The following PDLIM5 variants were observed in gnomAD, a reference collection of about 807,000 sequenced individuals.
PDLIM5 encodes the protein PDZ and LIM domain 5.
In PDLIM5, 34 loss-of-function variants were observed where a neutral mutation model predicts 64.2. The observed-to-expected ratio is 0.53, with a 90% CI of 0.40 to 0.71. The LOEUF (loss-of-function observed/expected upper bound fraction) is 0.71. Among genes scored for constraint, PDLIM5 ranks in the 30% least tolerant of loss-of-function variants. The probability of loss-of-function intolerance (pLI) is 0.00; values close to 1 mark genes in which losing one functional copy is unlikely to be tolerated. For synonymous variants in PDLIM5, 253 were observed against 269.1 expected (o/e 0.94, Z 0.59); for missense variants, 683 against 733.6 (o/e 0.93, Z 0.80).
intron 3 of PDLIM5, among the ~76,000 whole-genome samples, chr4:94,555,362 T>C (rs1055185511): frequency 6.6e-6 from 1 of 152,216 alleles, no homozygotes; most frequent in Non-Finnish European, 1.5e-5. Flanking sequence ...CCTAAATGCA[T>C]TTTTTACTTA....
At chr4:94,513,276 T>C (rs1176829483) in intron 2 of PDLIM5, among the ~76,000 whole-genome samples, 1 of 152,296 alleles carries the variant, frequency 6.6e-6, no homozygotes, top group East Asian at 1.9e-4. Flanking sequence ...AGAATGTCAT[T>C]GGTATTTTGA....
chr4:94,624,536 G>C (rs1003381868), intron 8 of PDLIM5, among the ~76,000 whole-genome samples: 2 of 152,086 alleles, frequency 1.3e-5, no homozygotes, highest in Non-Finnish European at 2.9e-5. Flanking sequence ...CAGTGGAAAG[G>C]GAAGAAAAAG....
intron 9 of PDLIM5, among the ~76,000 whole-genome samples, chr4:94,640,842 G>A (rs1740952793): frequency 6.6e-6 from 1 of 152,126 alleles, no homozygotes; most frequent in Non-Finnish European, 1.5e-5. Context: ...AAAATAACTA[G>A]TGACATTAAA....
intron 2 of PDLIM5, among the ~76,000 whole-genome samples, chr4:94,469,787 T>A (rs1174899325): frequency 6.6e-6 from 1 of 152,024 alleles, no homozygotes; most frequent in East Asian, 1.9e-4. Context: ...AATTTAAAAT[T>A]TTTTTTGAGC....
intron 2 of PDLIM5, among the ~76,000 whole-genome samples, chr4:94,516,637 CCT>C (rs1729383952): frequency 6.6e-6 from 1 of 152,076 alleles, no homozygotes; most frequent in African/African-American, 2.4e-5. Flanking sequence ...CGTCCTCCTG[CCT>C]CAGCCTCCTG....
At chr4:94,540,129 C>A (rs1731661676) in intron 3 of PDLIM5, among the ~76,000 whole-genome samples, 1 of 133,598 alleles carries the variant, frequency 7.5e-6, no homozygotes, top group South Asian at 2.2e-4. Context: ...TGCTACTATT[C>A]TTCTTTTTTT....
Position 94,472,800 on chromosome 4 carries a change from CATATAA to C in PDLIM5, c.96+17419_96+17424del, listed in dbSNP as rs1724996029. ...AAATTTAGCAAATCTGAACTTCAGT[CATATAA>C]ATGTAAATTATTATTGCTCACTCCA... On this transcript the variant is annotated intron_variant, in intron 2 of 12. Coordinates refer to ENST00000317968, the MANE Select transcript of PDLIM5 (RefSeq NM_006457.5). 3.9e-5 allele frequency among the ~76,000 whole-genome samples: 6 copies of C among 152,294 alleles called. No homozygotes were observed. In the South Asian group the frequency reaches 1.2e-3, roughly 32 times the overall value.
chr4:94,565,411 G>A (rs1259284130), intron 3 of PDLIM5, among the ~76,000 whole-genome samples: 3 of 152,224 alleles, frequency 2.0e-5, no homozygotes, highest in African/African-American at 7.2e-5. Flanking sequence ...TGCATGCTCA[G>A]TATGCAGCCC....
chr4:94,601,378 A>G (rs1433759491), intron 7 of PDLIM5, among the ~76,000 whole-genome samples: 1 of 152,156 alleles, frequency 6.6e-6, no homozygotes, highest in East Asian at 1.9e-4. Context: ...TCCTAATACT[A>G]TCACATAGGG....
intron 8 of PDLIM5, among the ~76,000 whole-genome samples, chr4:94,624,405 C>T (rs1050582222): frequency 1.3e-5 from 2 of 152,074 alleles, no homozygotes; most frequent in Admixed American, 6.5e-5. Flanking sequence ...CCCATTTTGT[C>T]ATTGTGGACA....
intron 2 of PDLIM5, among the ~76,000 whole-genome samples, chr4:94,476,657 A>G (rs1725352615): frequency 6.6e-6 from 1 of 152,174 alleles, no homozygotes; most frequent in African/African-American, 2.4e-5. Flanking sequence ...GTTGTTCTGC[A>G]GTATTGGTTT....
chr4:94,588,478 G>T (rs763488924), intron 7 of PDLIM5, among the ~76,000 whole-genome samples: 6 of 152,032 alleles, frequency 3.9e-5, no homozygotes, highest in African/African-American at 1.4e-4. Context: ...CAGGAGAATC[G>T]CTTGAACCCG....
chr4:94,511,727 CT>C (rs1373704011), intron 2 of PDLIM5, among the ~76,000 whole-genome samples: 1 of 151,984 alleles, frequency 6.6e-6, no homozygotes, highest in Admixed American at 6.6e-5. Context: ...TGAAAATATG[CT>C]TATCTTTCTG....
Position 94,662,496 on chromosome 4 carries a change from G to A in PDLIM5, c.1660G>A (p.Ala554Thr). 1 of 1,606,788 alleles carries A rather than the reference G, an allele frequency of 6.2e-7. No individual in the cohort carries two copies. Among genetic ancestry groups the A allele is most frequent in the Non-Finnish European group, 8.5e-7 (1 of 1,173,492 alleles). The change falls in exon 12 of 13, where the codon GCT becomes ACT. Residue 554 changes from alanine to threonine, a missense_variant. By Grantham distance (58) the Ala-to-Thr change is moderately conservative. Coordinates refer to ENST00000317968, the MANE Select transcript of PDLIM5 (RefSeq NM_006457.5). ...AGAAGCTGGTGACATGTTCCTGGAA[G>A]CTCTGGGCTACACCTGGCATGACAC... Reference protein sequence around the residue: ...PIEAGDMFLEALGYTWHDTCF... With the variant: ...PIEAGDMFLETLGYTWHDTCF...
At chr4:94,606,747 A>G (rs1351118148) in intron 7 of PDLIM5, among the ~76,000 whole-genome samples, 1 of 152,176 alleles carries the variant, frequency 6.6e-6, no homozygotes, top group Non-Finnish European at 1.5e-5. Flanking sequence ...CAGATAGGAA[A>G]TGTGCTAGAT....
chr4:94,640,485 T>A, intron 9 of PDLIM5, 35 bp downstream of exon 9: 4 of 1,330,196 alleles, frequency 3.0e-6, no homozygotes, highest in Non-Finnish European at 4.1e-6. Flanking sequence ...TGAAAGTACT[T>A]AATATCAATG....
chr4:94,457,218 G>A, intron 2 of PDLIM5: 9 of 945,796 alleles, frequency 9.5e-6, no homozygotes, highest in Non-Finnish European at 1.1e-5. Flanking sequence ...TTTCTTGGCT[G>A]TGGATTTTTT....
At position 94,494,478 on chromosome 4, in the gene PDLIM5, C is replaced by T. The variant is rs1309361914; in HGVS notation, c.97-29246C>T. Among the ~76,000 whole-genome samples the T allele has an allele frequency of 1.2e-4, 12 of 101,930 alleles. 1 individual carries two copies. In the East Asian group the frequency reaches 3.5e-3, roughly 29 times the overall value. The allele number at this position is 101,930 out of a possible 152,430, so 66.9% of individuals were successfully genotyped here. On this transcript the variant is annotated intron_variant, in intron 2 of 12. Transcript: ENST00000317968. ...TTTTGAGACGGAATTTCACTCTGGTCGCCCATGCTGGAGTGCAATGGTGTG... is the reference window on the plus strand; with the variant it reads ...TTTTGAGACGGAATTTCACTCTGGTTGCCCATGCTGGAGTGCAATGGTGTG...
At chr4:94,464,690 G>A (rs1724193717) in intron 2 of PDLIM5, among the ~76,000 whole-genome samples, 1 of 152,156 alleles carries the variant, frequency 6.6e-6, no homozygotes, top group Admixed American at 6.5e-5. Flanking sequence ...TTCCTTTGAA[G>A]TATCTTTATG....
Sources: allele counts gnomAD v4.1 joint callset (sites outside exome capture counted in the v4.1 genomes callset), GRCh38; gene constraint gnomAD v4.1.1; transcripts MANE v1.5; gene names NCBI Gene and HGNC (gene_info 2026-07-23, HGNC 2026-07-21).